Variants in ABCA13 observed in about 807,000 individuals in gnomAD.
ABCA13 encodes ATP-binding cassette sub-family A member 13.
Under a neutral mutation model 478.7 loss-of-function variants are expected in ABCA13, and 476 were observed. That is an observed-to-expected ratio of 0.99 (90% CI 0.92 to 1.07). ABCA13 has a LOEUF of 1.07. Among genes scored for constraint, ABCA13 ranks in the 50% least tolerant of loss-of-function variants. ABCA13 has a pLI of 0.00. For synonymous variants in ABCA13, 2,252 were observed against 2,158.9 expected (o/e 1.04, Z -1.20); for missense variants, 6,060 against 5,910.6 (o/e 1.03, Z -0.83).
At chr7:48,501,902 C>T (rs1830784490) in intron 48 of ABCA13, among the ~76,000 whole-genome samples, 1 of 152,158 alleles carries the variant, frequency 6.6e-6, no homozygotes, top group African/African-American at 2.4e-5. Context: ...TGACTCCAGA[C>T]ATGTGGGTTC....
Position 48,554,001 on chromosome 7 carries a change from T to C in ABCA13, c.14354+25656T>C, listed in dbSNP as rs142810050. Among the ~76,000 whole-genome samples, 27 of 152,102 alleles carry C rather than the reference T, an allele frequency of 1.8e-4. No homozygotes were observed. The East Asian group carries it at 5.2e-3, about 29-fold the overall frequency. ...TTTCATTCGTTTGGTTTTACCTTTT[T>C]ATATGATGAGAAAATAGGGGTCTAG... On this transcript the variant is annotated intron_variant, in intron 55 of 61. Coordinates refer to ENST00000435803, the MANE Select transcript of ABCA13 (RefSeq NM_152701.5).
At chr7:48,506,299 C>T (rs1179619275) in intron 48 of ABCA13, 37 bp from the exon 49 acceptor site, 4 of 1,603,866 alleles carry the variant, frequency 2.5e-6, no homozygotes, top group Non-Finnish European at 3.4e-6. Flanking sequence ...CATGCAGGAG[C>T]AGGCTGAAGG....
At chr7:48,602,067 G>A (rs1310091461) in intron 58 of ABCA13, among the ~76,000 whole-genome samples, 7 of 152,106 alleles carry the variant, frequency 4.6e-5, no homozygotes, top group Admixed American at 3.3e-4. Context: ...TTTTGATGGG[G>A]TTGTTTCTTT....
At chr7:48,500,291 AG>A (rs1433887215) in intron 48 of ABCA13, among the ~76,000 whole-genome samples, 1 of 152,180 alleles carries the variant, frequency 6.6e-6, no homozygotes, top group East Asian at 1.9e-4. Flanking sequence ...GGGAAGGTGC[AG>A]GGTAGTGTGA....
intron 23 of ABCA13, among the ~76,000 whole-genome samples, chr7:48,302,526 G>A (rs1421746777): frequency 6.6e-6 from 1 of 152,000 alleles, no homozygotes; most frequent in African/African-American, 2.4e-5. Flanking sequence ...GCCCCAGTGT[G>A]CTTTGTTCCC....
chr7:48,625,182 C>T (rs1469371103), intron 59 of ABCA13, among the ~76,000 whole-genome samples: 1 of 152,160 alleles, frequency 6.6e-6, no homozygotes, highest in African/African-American at 2.4e-5. Flanking sequence ...TAATGTATCA[C>T]CTTATGTGAC....
intron 51 of ABCA13, 133 bp from the exon 52 acceptor site, chr7:48,516,592 A>G (rs1832131519): frequency 2.3e-6 from 2 of 858,142 alleles, no homozygotes; most frequent in South Asian, 1.7e-5. Context: ...GGGGAAAAAC[A>G]TAGTATATGT....
In ABCA13 at chr7:48,274,236, G is replaced by A; in HGVS notation, c.4570G>A (p.Glu1524Lys). 1 of 1,613,084 alleles carries A rather than the reference G, an allele frequency of 6.2e-7. No individual in the cohort carries two copies. The highest frequency in any genetic ancestry group is 8.5e-7 in the Non-Finnish European group (1 of 1,179,530). Residue 1524 changes from glutamate to lysine, a missense_variant, in exon 17 of 62, where the codon GAA becomes AAA. By Grantham distance (56) the Glu-to-Lys change is moderately conservative. Around this residue, in one of 3 missense-constraint regions of ABCA13, gnomAD observed 4,423 missense variants for 4,309.1 expected, o/e 1.03. Transcript: ENST00000435803. ...ASQSNWRYFTELILRPIEMSD... is the reference protein window; with the variant it reads ...ASQSNWRYFTKLILRPIEMSD... ...TCAGTCCAATTGGAGATATTTTACT[G>A]AATTAATTCTAAGACCAATAGAAAT...
chr7:48,577,741 T>A (rs772128632), intron 55 of ABCA13, among the ~76,000 whole-genome samples: 2 of 152,086 alleles, frequency 1.3e-5, no homozygotes, highest in Non-Finnish European at 2.9e-5. Context: ...GCCAGCATTA[T>A]CATAATACTG....
At chr7:48,590,156 G>C (rs1237961338) in intron 57 of ABCA13, among the ~76,000 whole-genome samples, 1 of 152,020 alleles carries the variant, frequency 6.6e-6, no homozygotes, top group Non-Finnish European at 1.5e-5. Flanking sequence ...CTAAGAAGTA[G>C]TGTTTTTCCA....
In ABCA13 at chr7:48,240,954, G is replaced by A. The variant is rs148827015; in HGVS notation, c.1150G>A (p.Glu384Lys). Residue 384 changes from glutamate to lysine, a missense_variant, in exon 10 of 62, where the codon GAA becomes AAA. This residue lies in a region of ABCA13 where 4,423 missense variants were observed against 4,309.1 expected (regional missense o/e 1.03). Transcript: ENST00000435803. ...HSLEALRNQF[E>K]EESKPWKVVE... ...TCTGGAGGCTCTCAGGAATCAGTTTGAAGAAGAGAGCAAGCCCTGGAAGGT... is the reference window on the plus strand; with the variant it reads ...TCTGGAGGCTCTCAGGAATCAGTTTAAAGAAGAGAGCAAGCCCTGGAAGGT... The A allele has an allele frequency of 5.9e-5, 96 of 1,613,744 alleles. No homozygotes were observed. In the African/African-American group the frequency reaches 1.2e-3, roughly 20 times the overall value.
intron 55 of ABCA13, among the ~76,000 whole-genome samples, chr7:48,541,288 A>T (rs1199171075): frequency 1.3e-5 from 2 of 152,128 alleles, no homozygotes; most frequent in Non-Finnish European, 2.9e-5. Flanking sequence ...CCAGTTTGTC[A>T]CAGTTGCCAC....
chr7:48,299,379 G>A lies in ABCA13; in HGVS notation c.9321+892G>A, dbSNP rs149682781. 8.9e-3 allele frequency among the ~76,000 whole-genome samples: 1,359 copies of A among 152,148 alleles called. 9 individuals are homozygous for A. Among genetic ancestry groups the A allele is most frequent in the Non-Finnish European group, 0.014 (926 of 67,998 alleles). On this transcript the variant is annotated intron_variant, in intron 23 of 61. Transcript: ENST00000435803. ...TAAATTAAAAAGAGATTAGAAGCTG[G>A]GAAACCAAAATTCAAATGACAGTGT...
At chr7:48,344,680 G>T (rs535620349) in intron 29 of ABCA13, among the ~76,000 whole-genome samples, 1 of 152,216 alleles carries the variant, frequency 6.6e-6, no homozygotes, top group East Asian at 1.9e-4. Flanking sequence ...TATATTGTGA[G>T]ATGAAGCAAC....
At position 48,386,419 on chromosome 7, in the gene ABCA13, G is replaced by A. The variant is rs569534638; in HGVS notation, c.11336-1403G>A. ...TTCACATGGAACTAAAAAGGAGCCCGAATAGCCAAGACAATCCTGAGCGAA... is the reference window on the plus strand; with the variant it reads ...TTCACATGGAACTAAAAAGGAGCCCAAATAGCCAAGACAATCCTGAGCGAA... On this transcript the variant is annotated intron_variant, in intron 35 of 61. Transcript: ENST00000435803. 4.8e-4 allele frequency among the ~76,000 whole-genome samples: 73 copies of A among 152,238 alleles called. 2 individuals carry two copies. In the South Asian group the frequency reaches 0.011, roughly 23 times the overall value.
At position 48,312,408 on chromosome 7, in the gene ABCA13, G is replaced by A. The variant is rs3910242; in HGVS notation, c.9517-659G>A. On this transcript the variant is annotated intron_variant, in intron 24 of 61. Transcript: ENST00000435803. ...AGTAGCTACATGAAAGATCAAGACA[G>A]AAGAAAAGCCTTGCCTCCAGTGTAG... Among the ~76,000 whole-genome samples the A allele has an allele frequency of 1.3e-3, 203 of 151,714 alleles. 2 individuals carry two copies. Among genetic ancestry groups the A allele is most frequent in the African/African-American group, 4.4e-3 (182 of 41,334 alleles).
intron 29 of ABCA13, among the ~76,000 whole-genome samples, chr7:48,344,669 A>G (rs1049355684): frequency 6.6e-6 from 1 of 152,018 alleles, no homozygotes; most frequent in African/African-American, 2.4e-5. Flanking sequence ...CATTTTTCCT[A>G]TATATTGTGA....
chr7:48,368,714 T>TATATAC (rs1455176603), intron 32 of ABCA13, among the ~76,000 whole-genome samples: 66 of 118,570 alleles, frequency 5.6e-4, no homozygotes, highest in African/African-American at 1.8e-3. Flanking sequence ...TATATATATA[T>TATATAC]ACACATACAC....
At chr7:48,600,954 T>G (rs1010857131) in intron 58 of ABCA13, among the ~76,000 whole-genome samples, 8 of 152,158 alleles carry the variant, frequency 5.3e-5, no homozygotes, top group Non-Finnish European at 8.8e-5. Flanking sequence ...TGGTCTTCCA[T>G]TACGTGTATG....
Sources: allele counts gnomAD v4.1 joint callset (sites outside exome capture counted in the v4.1 genomes callset), GRCh38; gene constraint gnomAD v4.1.1; regional missense constraint gnomAD v4.1.1; transcripts MANE v1.5; gene names NCBI Gene and HGNC (gene_info 2026-07-23, HGNC 2026-07-21).